The following SEMA3A variants were observed in gnomAD, a reference collection of about 807,000 sequenced individuals.
SEMA3A encodes the protein semaphorin-3A.
A neutral mutation model predicts 97.9 loss-of-function variants in SEMA3A; 29 were observed. The observed-to-expected ratio is 0.30, with a 90% CI of 0.22 to 0.40. The LOEUF is 0.40. Ranked by LOEUF, SEMA3A falls within the 10% of genes least tolerant of loss-of-function variation. The pLI, the probability that SEMA3A is intolerant of heterozygous loss-of-function variation, is 1.00. For synonymous variants in SEMA3A, 321 were observed against 323.7 expected, an observed-to-expected ratio of 0.99 and a Z score of 0.09; for missense variants, 763 against 951.3, an observed-to-expected ratio of 0.80 and a Z score of 2.60.
At chr7:84,114,710 ACTCACTTTATCC>A (rs1291818770) in intron 3 of SEMA3A, among the ~76,000 whole-genome samples, 1 of 151,894 alleles carries the variant, frequency 6.6e-6, no homozygotes, top group Non-Finnish European at 1.5e-5. Context: ...TGTTCCTGTC[ACTCACTTTATCC>A]CTTCCTCTAT....
rs576113782 is a variant in SEMA3A, at chr7:84,457,083, C to T, written c.-246+35377G>A. Among the ~76,000 whole-genome samples the T allele has an allele frequency of 8.5e-4, 129 of 151,280 alleles. 1 individual carries two copies. The highest frequency in any genetic ancestry group is 3.4e-3 in the Middle Eastern group (1 of 294). On this transcript the variant is annotated intron_variant, in intron 1 of 3. Coordinates refer to the SEMA3A transcript ENST00000424555. ...CATTTTGGTATCAAAAATAAGTAGA[C>T]CCCAGTCTCAAATTTCCCAATGACA... is the stretch of plus-strand genomic sequence containing the variant.
intron 1 of SEMA3A, among the ~76,000 whole-genome samples, chr7:84,189,263 T>C (rs574815122): frequency 1.3e-5 from 2 of 151,870 alleles, no homozygotes; most frequent in African/African-American, 4.8e-5. Context: ...TTATCACATA[T>C]TACTTTTTCA....
At chr7:84,114,503 T>C (rs976784416) in intron 3 of SEMA3A, among the ~76,000 whole-genome samples, 1 of 152,148 alleles carries the variant, frequency 6.6e-6, no homozygotes, top group African/African-American at 2.4e-5. Flanking sequence ...TAGAAATATT[T>C]TGGTGCATAA....
At chr7:84,246,742 T>A (rs1175661302) in intron 3 of SEMA3A, among the ~76,000 whole-genome samples, 3 of 152,106 alleles carry the variant, frequency 2.0e-5, no homozygotes, top group Non-Finnish European at 2.9e-5. Flanking sequence ...TCCTAGAAAA[T>A]AGCTTGATAT....
chr7:84,419,779 T>G lies in SEMA3A; in HGVS notation c.-245-47879A>C, dbSNP rs1163466127. 2.6e-5 allele frequency among the ~76,000 whole-genome samples: 4 copies of G among 152,236 alleles called. No individual in the cohort carries two copies. The East Asian group carries it at 5.8e-4, about 22-fold the overall frequency. On this transcript the variant is annotated intron_variant, in intron 1 of 3. Transcript: ENST00000424555. ...AACTAAATTGAAAATTTCGCTAGGG[T>G]ATTCAACAGCAGATTTGGGCAGTCT...
At chr7:84,182,547 T>C (rs1226698119) in intron 1 of SEMA3A, among the ~76,000 whole-genome samples, 1 of 152,142 alleles carries the variant, frequency 6.6e-6, no homozygotes, top group Non-Finnish European at 1.5e-5. Flanking sequence ...GCTCAGCCTG[T>C]CTCAGTAAGT....
At chr7:84,448,572 AAAAC>A (rs1475182448) in intron 1 of SEMA3A, among the ~76,000 whole-genome samples, 4 of 152,140 alleles carry the variant, frequency 2.6e-5, no homozygotes, top group African/African-American at 9.7e-5. Context: ...ATCAAAAACA[AAAAC>A]AAAATTAAAA....
chr7:84,241,566 T>A (rs899768872), intron 3 of SEMA3A, among the ~76,000 whole-genome samples: 4 of 152,170 alleles, frequency 2.6e-5, no homozygotes, highest in Admixed American at 2.0e-4. Flanking sequence ...GCCTGCTCAC[T>A]CTGATGATAG....
chr7:83,995,141 T>G (rs1790156949), intron 12 of SEMA3A, among the ~76,000 whole-genome samples: 1 of 152,072 alleles, frequency 6.6e-6, no homozygotes, highest in African/African-American at 2.4e-5. Context: ...CCCTTGCGCT[T>G]CCCAAGTGAG....
chr7:84,253,019 C>G (rs980282768), intron 3 of SEMA3A, among the ~76,000 whole-genome samples: 1 of 152,094 alleles, frequency 6.6e-6, no homozygotes, highest in Non-Finnish European at 1.5e-5. Flanking sequence ...GCTGGGACTA[C>G]AGGCGTGTGC....
intron 1 of SEMA3A, among the ~76,000 whole-genome samples, chr7:84,136,303 C>T (rs945382696): frequency 6.6e-6 from 1 of 152,156 alleles, no homozygotes; most frequent in Admixed American, 6.6e-5. Context: ...GATTGCCTTG[C>T]TTTATCTATT....
intron 1 of SEMA3A, among the ~76,000 whole-genome samples, chr7:84,473,754 TAACA>T (rs1806212414): frequency 6.6e-6 from 1 of 152,066 alleles, no homozygotes; most frequent in South Asian, 2.1e-4. Context: ...GCACAGAAAC[TAACA>T]AAAACATTTT....
At chr7:84,072,511 G>A (rs1793777532) in intron 4 of SEMA3A, among the ~76,000 whole-genome samples, 1 of 151,936 alleles carries the variant, frequency 6.6e-6, no homozygotes, top group African/African-American at 2.4e-5. Context: ...ATAATTTTCT[G>A]TTTACAGAAA....
intron 1 of SEMA3A, among the ~76,000 whole-genome samples, chr7:84,452,485 C>T (rs1231187357): frequency 6.6e-6 from 1 of 152,016 alleles, no homozygotes; most frequent in Non-Finnish European, 1.5e-5. Context: ...TTTTGTTATT[C>T]CCAGAAACAT....
chr7:84,354,761 A>G (rs958960589), intron 2 of SEMA3A, among the ~76,000 whole-genome samples: 1 of 151,574 alleles, frequency 6.6e-6, no homozygotes, highest in African/African-American at 2.4e-5. Context: ...CAAATGTCAT[A>G]TTTTCTGAGT....
At chr7:84,359,128 A>C (rs1489536287) in intron 2 of SEMA3A, among the ~76,000 whole-genome samples, 3 of 152,064 alleles carry the variant, frequency 2.0e-5, no homozygotes, top group African/African-American at 7.2e-5. Flanking sequence ...AATACCCTTT[A>C]TTTCTTTCTC....
At chr7:84,060,412 C>T (rs1246757420) in intron 5 of SEMA3A, 53 bp downstream of exon 5, 3 of 1,122,530 alleles carry the variant, frequency 2.7e-6, no homozygotes, top group East Asian at 2.6e-5. Flanking sequence ...GAACATACAA[C>T]CTGTTTGTTA....
At chr7:84,447,101 C>A (rs376146317) in intron 1 of SEMA3A, among the ~76,000 whole-genome samples, 1 of 152,176 alleles carries the variant, frequency 6.6e-6, no homozygotes, top group Non-Finnish European at 1.5e-5. Context: ...CGAGCCCAGG[C>A]GCCATCACGA....
intron 12 of SEMA3A, among the ~76,000 whole-genome samples, chr7:83,985,893 G>T (rs1789613700): frequency 6.6e-6 from 1 of 152,180 alleles, no homozygotes; most frequent in South Asian, 2.1e-4. Flanking sequence ...CTATGCTTAA[G>T]TATCTTCGTA....
Sources: gnomAD v4.1 joint callset for allele counts (sites outside exome capture counted in the v4.1 genomes callset) on GRCh38, gnomAD v4.1.1 for gene constraint, MANE v1.5 for transcripts, NCBI Gene and HGNC (gene_info 2026-07-23, HGNC 2026-07-21) for gene names.